CLTCL1: variants seen among roughly 807,000 people sequenced by gnomAD.
CLTCL1 encodes the protein clathrin heavy chain like 1, also known as clathrin heavy chain 2.
A neutral mutation model predicts 190.0 loss-of-function variants in CLTCL1; 159 were observed. That is an observed-to-expected ratio of 0.84 (90% confidence interval 0.74 to 0.95). The LOEUF is 0.95. CLTCL1 is among the 40% of genes least tolerant of loss of function. The pLI, the probability that CLTCL1 is intolerant of heterozygous loss-of-function variation, is 0.00. For missense variants in CLTCL1, 1,878 were observed against 2,033.4 expected, an observed-to-expected ratio of 0.92 and a Z score of 1.47; for synonymous variants, 752 against 769.6, an observed-to-expected ratio of 0.98 and a Z score of 0.38.
At chr22:19,224,504 G>A (rs1284459487) in intron 13 of CLTCL1, among the ~76,000 whole-genome samples, 4 of 152,142 alleles carry the variant, frequency 2.6e-5, no homozygotes, top group Admixed American at 2.6e-4. Flanking sequence ...GCCCCAGGGT[G>A]AGCCCCAGAG....
Position 19,215,484 on chromosome 22 carries a change from C to T in CLTCL1, c.3065+627G>A, listed in dbSNP as rs5748046. On this transcript the variant is annotated intron_variant, in intron 19 of 32. Coordinates refer to ENST00000427926, the MANE Select transcript of CLTCL1 (RefSeq NM_007098.4). ...CGCACTCTTACCTCTATGGTGCCTG[C>T]CCATGCAAAAGAAGCACGCGCTCCC... Among the ~76,000 whole-genome samples, 1,087 of 152,184 alleles carry T rather than the reference C, an allele frequency of 7.1e-3. 17 individuals are homozygous for T. The highest frequency in any genetic ancestry group is 0.05 in the South Asian group (240 of 4,814).
intron 24 of CLTCL1, among the ~76,000 whole-genome samples, chr22:19,197,645 G>A (rs1291481031): frequency 6.6e-6 from 1 of 152,040 alleles, no homozygotes; most frequent in Non-Finnish European, 1.5e-5. Context: ...TCCTCTCCCT[G>A]TTCTCTCCAG....
chr22:19,289,875 G>T (rs2088045701), intron 1 of CLTCL1, among the ~76,000 whole-genome samples: 1 of 152,208 alleles, frequency 6.6e-6, no homozygotes, highest in Non-Finnish European at 1.5e-5. Context: ...CAAGTCATCT[G>T]CTGGTTGCAA....
chr22:19,207,048 G>A (rs1368694928), intron 22 of CLTCL1, among the ~76,000 whole-genome samples: 3 of 114,082 alleles, frequency 2.6e-5, no homozygotes, highest in East Asian at 5.2e-4. Context: ...ACGGAGTCTC[G>A]CTCTGTCACC....
chr22:19,288,687 T>C (rs1034932631), intron 1 of CLTCL1, among the ~76,000 whole-genome samples: 3 of 152,204 alleles, frequency 2.0e-5, no homozygotes, highest in Non-Finnish European at 2.9e-5. Context: ...CACACAGCAG[T>C]GAAACTGCGA....
chr22:19,209,269 G>C, intron 20 of CLTCL1, 155 bp from the exon 21 acceptor site: 1 of 595,684 alleles, frequency 1.7e-6, no homozygotes, highest in Non-Finnish European at 2.8e-6. Context: ...CAGATGGACA[G>C]GTTGAGGGAA....
chr22:19,191,235 C>G, intron 27 of CLTCL1, 69 bp downstream of exon 27: 1 of 1,581,900 alleles, frequency 6.3e-7, no homozygotes, highest in South Asian at 1.1e-5. Context: ...TATAAAGGTG[C>G]TATCATTCAG....
chr22:19,208,809 A>G (rs1383436115), intron 21 of CLTCL1, 113 bp downstream of exon 21: 1 of 858,202 alleles, frequency 1.2e-6, no homozygotes, highest in Non-Finnish European at 1.8e-6. Flanking sequence ...GTGCCCTCTG[A>G]TATCTCTGGA....
intron 2 of CLTCL1, among the ~76,000 whole-genome samples, chr22:19,272,818 AC>A (rs1332255808): frequency 6.6e-6 from 1 of 152,094 alleles, no homozygotes; most frequent in Non-Finnish European, 1.5e-5. Flanking sequence ...TTGCTCTGTC[AC>A]CCAGGCTGGA....
chr22:19,253,194 T>C (rs1469335079), intron 3 of CLTCL1, among the ~76,000 whole-genome samples: 3 of 152,162 alleles, frequency 2.0e-5, no homozygotes, highest in African/African-American at 4.8e-5. Context: ...AGCAGCTCTA[T>C]GTTAACCATC....
rs1555955228 is a variant in CLTCL1 at position 19,225,443 on chromosome 22, C to A, written c.2128+10G>T. ...ACATGGTGGGGTCGGCGAGAGGCTG[C>A]ATGGTTTACCTTTGTAACTCTTGAA... On this transcript the variant is annotated intron_variant, in intron 13 of 32. Transcript: ENST00000427926. 3 of 1,563,256 alleles carry A rather than the reference C, an allele frequency of 1.9e-6. No individual in the cohort carries two copies. The highest frequency in any genetic ancestry group is 2.6e-6 in the Non-Finnish European group (3 of 1,151,206).
At position 19,226,303 on chromosome 22, in the gene CLTCL1, G is replaced by A. The variant is rs782610263; in HGVS notation, c.1863C>T (p.Gly621=). The A allele has an allele frequency of 2.4e-5, 39 of 1,613,908 alleles. No homozygotes were observed. In the East Asian group the frequency reaches 8.7e-4, roughly 36 times the overall value. The change falls in exon 12 of 33, where the codon GGC becomes GGT. Residue 621 remains glycine, a synonymous_variant. Transcript: ENST00000427926. ...AHIAQLCEKA[G]LLQQALEHYT... is the part of the protein sequence containing the mutation. ...AGTGCTCCAGTGCTTGCTGCAGGAG[G>A]CCTGCCTTCTCACAGAGCTGGGCAA...
intron 3 of CLTCL1, among the ~76,000 whole-genome samples, chr22:19,243,715 T>G (rs2086328972): frequency 6.8e-6 from 1 of 147,170 alleles, no homozygotes; most frequent in African/African-American, 2.5e-5. Flanking sequence ...TTTTTTTTTT[T>G]GTGATGGAGT....
Position 19,291,642 on chromosome 22 carries a change from G to A in CLTCL1, c.-1C>T. ...AGCGAACAGGGAGGATCTGCGCCAT[G>A]GCTGGTGCGGGACCTCGGCGGCGGC... On this transcript the variant is annotated 5_prime_UTR_variant, in exon 1 of 33. Coordinates refer to ENST00000427926, the MANE Select transcript of CLTCL1 (RefSeq NM_007098.4). 7.2e-7 allele frequency: 1 copy of A among 1,398,038 alleles called. No homozygotes were observed. The highest frequency in any genetic ancestry group is 9.4e-7 in the Non-Finnish European group (1 of 1,062,042). 86.6% of individuals were successfully genotyped at this position (1,398,038 alleles called of 1,614,324 possible).
At chr22:19,251,987 A>G (rs559012291) in intron 3 of CLTCL1, among the ~76,000 whole-genome samples, 2 of 152,324 alleles carry the variant, frequency 1.3e-5, no homozygotes, top group African/African-American at 4.8e-5. Flanking sequence ...TATATCTGCA[A>G]TGCCACTGCC....
chr22:19,205,086 C>G (rs5746685), intron 22 of CLTCL1, among the ~76,000 whole-genome samples: 102,177 of 151,222 alleles, frequency 0.68, 35,778 homozygotes, highest in African/African-American at 0.85. Flanking sequence ...TACATGATCA[C>G]TGATTAAAAA....
At chr22:19,206,280 G>A (rs1248392245) in intron 22 of CLTCL1, among the ~76,000 whole-genome samples, 3 of 152,120 alleles carry the variant, frequency 2.0e-5, no homozygotes, top group African/African-American at 7.2e-5. Flanking sequence ...AGGCTGGAGT[G>A]CAGTGCCCCG....
chr22:19,231,661 TTAA>T (rs2085921213), intron 10 of CLTCL1, among the ~76,000 whole-genome samples: 1 of 152,186 alleles, frequency 6.6e-6, no homozygotes, highest in Non-Finnish European at 1.5e-5. Flanking sequence ...AGGAATAAAT[TTAA>T]TAATTGTTTT....
chr22:19,247,328 C>T (rs923878305), intron 3 of CLTCL1, among the ~76,000 whole-genome samples: 1 of 149,928 alleles, frequency 6.7e-6, no homozygotes, highest in Non-Finnish European at 1.5e-5. Context: ...TATTCCTGGA[C>T]CTTACATTTT....
Sources: gnomAD v4.1 joint callset for allele counts (sites outside exome capture counted in the v4.1 genomes callset) on GRCh38, gnomAD v4.1.1 for gene constraint, MANE v1.5 for transcripts, NCBI Gene and HGNC (gene_info 2026-07-23, HGNC 2026-07-21) for gene names.